The following PCDH9 variants were observed in gnomAD, a reference collection of about 807,000 sequenced individuals.
The protein encoded by PCDH9 is protocadherin-9.
In PCDH9, 24 loss-of-function variants were observed where a neutral mutation model predicts 70.6. The observed-to-expected ratio is 0.34, with a 90% CI of 0.25 to 0.48. PCDH9 has a LOEUF of 0.48. PCDH9 is among the 20% of genes least tolerant of loss of function. The pLI is 0.99. For synonymous variants in PCDH9, 562 were observed against 558.5 expected (o/e 1.01, Z -0.09); for missense variants, 1,281 against 1,503.6 (o/e 0.85, Z 2.45).
chr13:66,375,434 A>G (rs1956730967), intron 4 of PCDH9, among the ~76,000 whole-genome samples: 1 of 152,096 alleles, frequency 6.6e-6, no homozygotes, highest in Non-Finnish European at 1.5e-5. Context: ...ATAAGAAAAA[A>G]AAACTTGTAG....
At chr13:66,678,011 G>A (rs945118768) in intron 3 of PCDH9, among the ~76,000 whole-genome samples, 1 of 152,078 alleles carries the variant, frequency 6.6e-6, no homozygotes, top group African/African-American at 2.4e-5. Flanking sequence ...AAATCAGAAA[G>A]AGTAATTTTC....
At chr13:66,774,498 G>T (rs1219823206) in intron 3 of PCDH9, among the ~76,000 whole-genome samples, 5 of 152,074 alleles carry the variant, frequency 3.3e-5, no homozygotes, top group African/African-American at 1.2e-4. Context: ...AATTTTAAAA[G>T]TTATTTAACA....
chr13:66,966,391 C>T (rs1329764273), intron 2 of PCDH9, among the ~76,000 whole-genome samples: 1 of 152,078 alleles, frequency 6.6e-6, no homozygotes, highest in East Asian at 1.9e-4. Context: ...CAATTCCAAA[C>T]TTTAAAACAG....
intron 3 of PCDH9, among the ~76,000 whole-genome samples, chr13:66,655,285 T>C (rs1006401907): frequency 4.6e-5 from 7 of 151,936 alleles, no homozygotes; most frequent in Non-Finnish European, 1.0e-4. Context: ...TAAAATAAAA[T>C]AAGGCCCAAA....
chr13:67,110,648 A>G (rs2138268729), intron 2 of PCDH9, among the ~76,000 whole-genome samples: 1 of 152,312 alleles, frequency 6.6e-6, no homozygotes, highest in African/African-American at 2.4e-5. Flanking sequence ...TATACACATA[A>G]TATTTATAAT....
chr13:67,164,469 G>T (rs867692613), intron 2 of PCDH9, among the ~76,000 whole-genome samples: 2 of 151,630 alleles, frequency 1.3e-5, no homozygotes, highest in Admixed American at 1.3e-4. Context: ...CAGCTACTTG[G>T]GAGGCTGAAG....
intron 4 of PCDH9, among the ~76,000 whole-genome samples, chr13:66,386,489 G>A (rs1473842653): frequency 6.6e-6 from 1 of 152,052 alleles, no homozygotes; most frequent in Non-Finnish European, 1.5e-5. Flanking sequence ...AATATAAGAA[G>A]TACTTACTAA....
intron 3 of PCDH9, among the ~76,000 whole-genome samples, chr13:66,861,044 G>C (rs2081474819): frequency 6.6e-6 from 1 of 152,160 alleles, no homozygotes; most frequent in Non-Finnish European, 1.5e-5. Context: ...GCTGGGAAAA[G>C]AAATGTTTAC....
At chr13:66,315,835 T>C (rs1238519840) in intron 4 of PCDH9, among the ~76,000 whole-genome samples, 1 of 152,180 alleles carries the variant, frequency 6.6e-6, no homozygotes, top group Non-Finnish European at 1.5e-5. Flanking sequence ...CAACATTCTA[T>C]TCACTAATCT....
chr13:66,492,493 A>G (rs1959050837), intron 4 of PCDH9, among the ~76,000 whole-genome samples: 1 of 148,350 alleles, frequency 6.7e-6, no homozygotes, highest in South Asian at 2.1e-4. Flanking sequence ...TGATTTTTAT[A>G]TTTATATATA....
At chr13:66,526,413 C>A (rs1816527409) in intron 4 of PCDH9, among the ~76,000 whole-genome samples, 1 of 152,042 alleles carries the variant, frequency 6.6e-6, no homozygotes, top group South Asian at 2.1e-4. Flanking sequence ...AAAGTCTCAA[C>A]TCAAAGTTCA....
At chr13:66,532,857 A>C (rs1960529078) in intron 4 of PCDH9, among the ~76,000 whole-genome samples, 2 of 152,034 alleles carry the variant, frequency 1.3e-5, no homozygotes. Flanking sequence ...CTGTTGTAGG[A>C]CTTTGCCACA....
At chr13:66,420,226 C>T (rs894183645) in intron 4 of PCDH9, among the ~76,000 whole-genome samples, 1 of 152,164 alleles carries the variant, frequency 6.6e-6, no homozygotes, top group Non-Finnish European at 1.5e-5. Flanking sequence ...ACCGAGGGTA[C>T]AGGCAGCTGT....
At chr13:66,934,596 C>G (rs1254331873) in intron 2 of PCDH9, among the ~76,000 whole-genome samples, 1 of 116,422 alleles carries the variant, frequency 8.6e-6, no homozygotes, top group Non-Finnish European at 1.9e-5. Flanking sequence ...AGCATAGGAA[C>G]AAAAAGCAGA....
intron 4 of PCDH9, among the ~76,000 whole-genome samples, chr13:66,585,619 A>G (rs1244713790): frequency 6.6e-6 from 1 of 152,150 alleles, no homozygotes; most frequent in Non-Finnish European, 1.5e-5. Context: ...ATTTTATCTT[A>G]AAAATAGTTG....
At chr13:67,141,078 A>G (rs1433307071) in intron 2 of PCDH9, among the ~76,000 whole-genome samples, 1 of 152,252 alleles carries the variant, frequency 6.6e-6, no homozygotes, top group African/African-American at 2.4e-5. Context: ...TAGAAAAGAA[A>G]ATAAAAATAT....
intron 4 of PCDH9, among the ~76,000 whole-genome samples, chr13:66,588,613 AT>A (rs573993238): frequency 3.4e-4 from 52 of 151,778 alleles, no homozygotes; most frequent in African/African-American, 1.1e-3. Context: ...TTTCTAAATA[AT>A]TTTTTTTCCC....
At chr13:66,833,110 T>C (rs1193595875) in intron 3 of PCDH9, among the ~76,000 whole-genome samples, 1 of 152,180 alleles carries the variant, frequency 6.6e-6, no homozygotes. Context: ...AACAAGTATT[T>C]ACCCTTCCTA....
At chr13:66,363,016 A>G (rs1466635565) in intron 4 of PCDH9, among the ~76,000 whole-genome samples, 1 of 152,098 alleles carries the variant, frequency 6.6e-6, no homozygotes, top group Non-Finnish European at 1.5e-5. Flanking sequence ...CCTTGTCTCT[A>G]CTAAAAATAC....
Sources: allele counts gnomAD v4.1 joint callset (sites outside exome capture counted in the v4.1 genomes callset), GRCh38; gene constraint gnomAD v4.1.1; transcripts MANE v1.5; gene names NCBI Gene and HGNC (gene_info 2026-07-23, HGNC 2026-07-21).